Variants in CELSR3 observed in about 807,000 individuals in gnomAD.
The protein encoded by CELSR3 is EGF-like protein 1.
In CELSR3, 73 loss-of-function variants were observed where a neutral mutation model predicts 270.0. The observed-to-expected ratio is 0.27, with a 90% CI of 0.22 to 0.33. CELSR3 has a LOEUF of 0.33. Ranked by LOEUF, CELSR3 falls within the 10% of genes least tolerant of loss-of-function variation. CELSR3 has a pLI of 1.00. For missense variants in CELSR3, 3,614 were observed against 4,533.8 expected, an observed-to-expected ratio of 0.80 and a Z score of 5.83; for synonymous variants, 1,780 against 1,905.4, an observed-to-expected ratio of 0.93 and a Z score of 1.71.
In CELSR3 at chr3:48,650,433, A is replaced by AGGGGGGGGGGGGGGGGG; in HGVS notation, c.6472+46_6472+47insCCCCCCCCCCCCCCCCC. On this transcript the variant is annotated intron_variant, in intron 16 of 34. Coordinates refer to ENST00000164024, the MANE Select transcript of CELSR3 (RefSeq NM_001407.3). The surrounding 1 kb of genome is among the most constrained non-coding windows in gnomAD (Gnocchi z 5.1). Reference sequence around the variant, plus strand: ...GACATGGCTCTAGCAGTCAGAGTACAGGCCCACCCCCACCCTCAGTGATGT... The same window carrying AGGGGGGGGGGGGGGGGG: ...GACATGGCTCTAGCAGTCAGAGTACAGGGGGGGGGGGGGGGGGGGCCCACCCCCACCCTCAGTGATGT... The AGGGGGGGGGGGGGGGGG allele has an allele frequency of 2.2e-6, 2 of 927,810 alleles. No homozygotes were observed. Among genetic ancestry groups the AGGGGGGGGGGGGGGGGG allele is most frequent in the Non-Finnish European group, 3.3e-6 (2 of 598,390 alleles). 57.5% of individuals were successfully genotyped at this position (927,810 alleles called of 1,614,324 possible). A position where few individuals can be genotyped will look rare whatever the true frequency, so the allele number is the denominator to read the frequency against.
In CELSR3 at chr3:48,639,539, G is replaced by T; in HGVS notation, c.9911+135C>A. The T allele has an allele frequency of 8.4e-7, 1 of 1,195,876 alleles. No homozygotes were observed. The highest frequency in any genetic ancestry group is 1.2e-6 in the Non-Finnish European group (1 of 855,786). The allele number at this position is 1,195,876 out of a possible 1,614,324, so 74.1% of individuals were successfully genotyped here. On this transcript the variant is annotated intron_variant, in intron 34 of 34. Coordinates refer to ENST00000164024, the MANE Select transcript of CELSR3 (RefSeq NM_001407.3). The surrounding 1 kb of genome is among the most constrained non-coding windows in gnomAD (Gnocchi z 4.1). ...TCCTGTCCCCAGCCTGTGGCCCTCT[G>T]GCTGTGCTGAGCCTGGGGTAGCCCA...
Position 48,655,111 on chromosome 3 carries a change from G to T in CELSR3, c.4921C>A (p.Leu1641Met). The change falls in exon 6 of 35, where the codon CTG (leucine) becomes ATG (methionine). Residue 1641 changes from leucine (L) to methionine (M), a missense_variant. This residue lies in a region of CELSR3 where 1,331 missense variants were observed against 1,933.7 expected (regional missense o/e 0.69). Transcript: ENST00000164024. This position sits in a 1 kb window ranked among gnomAD's most constrained non-coding sequence, Gnocchi z 5.8. ...SVDDCDVAVALQFGAEIGNYS... is the reference protein window; with the variant it reads ...SVDDCDVAVAMQFGAEIGNYS... ...TTGCCAATCTCAGCACCAAACTGCA[G>T]AGCCACGGCCACATCACAATCATCC... 1 of 1,613,926 alleles carries T rather than the reference G, an allele frequency of 6.2e-7. No individual in the cohort carries two copies. The highest frequency in any genetic ancestry group is 8.5e-7 in the Non-Finnish European group (1 of 1,179,944).
Position 48,640,018 on chromosome 3 carries a change from C to T in CELSR3, c.9567G>A (p.Arg3189=), listed in dbSNP as rs1411294071. The T allele has an allele frequency of 6.2e-7, 1 of 1,611,894 alleles. No homozygotes were observed. The highest frequency in any genetic ancestry group is 8.5e-7 in the Non-Finnish European group (1 of 1,179,842). ...AGCTCCTAGACAGAGAGTCCAGCGG[C>T]CGGGATGGCAAGAGGGGGTCCCTTG... ...QLSRDPLLPS[R]PLDSLSRSSN... is the part of the protein sequence containing the mutation. The change falls in exon 34 of 35, where the codon CGG becomes CGA. Residue 3189 remains arginine, a synonymous_variant. Transcript: ENST00000164024. This position sits in a 1 kb window ranked among gnomAD's most constrained non-coding sequence, Gnocchi z 7.5.
At position 48,642,945 on chromosome 3, in the gene CELSR3, C is replaced by G; in HGVS notation, c.8406+22G>C. Reference sequence around the variant, plus strand: ...GAAGCAGCCTAAAACTCTGGCTTCTCAGGGCCCCCATCCCGACTCACCAGC... The same window carrying G: ...GAAGCAGCCTAAAACTCTGGCTTCTGAGGGCCCCCATCCCGACTCACCAGC... On this transcript the variant is annotated intron_variant, in intron 29 of 34. Transcript: ENST00000164024. The surrounding 1 kb of genome is among the most constrained non-coding windows in gnomAD (Gnocchi z 6.1). 6.2e-7 allele frequency: 1 copy of G among 1,609,914 alleles called. No individual in the cohort carries two copies. The highest frequency in any genetic ancestry group is 8.5e-7 in the Non-Finnish European group (1 of 1,177,640).
Position 48,653,638 on chromosome 3 carries a change from T to C in CELSR3, c.5429A>G (p.His1810Arg). Residue 1810 changes from histidine to arginine, a missense_variant, in exon 9 of 35, where the codon CAC (histidine) becomes CGC (arginine). His to Arg is a conservative substitution (Grantham distance 29). Transcript: ENST00000164024. This position sits in a 1 kb window ranked among gnomAD's most constrained non-coding sequence, Gnocchi z 6.5. ...ACACACCTGGCAAAGGAGCGTGCTG[T>C]GTGGCCCAGCCTGCACTTGCATCAG... is the stretch of plus-strand genomic sequence containing the variant. ...GVLMQVQAGP[H>R]STLLCQLDRG... is the part of the protein sequence containing the mutation. The C allele has an allele frequency of 6.2e-7, 1 of 1,614,034 alleles. No homozygotes were observed. Among genetic ancestry groups the C allele is most frequent in the Non-Finnish European group, 8.5e-7 (1 of 1,179,988 alleles).
Position 48,661,381 on chromosome 3 carries a change from C to T in CELSR3, c.1254G>A (p.Met418Ile). 6.2e-7 allele frequency: 1 copy of T among 1,612,514 alleles called. No individual in the cohort carries two copies. Among genetic ancestry groups the T allele is most frequent in the Non-Finnish European group, 8.5e-7 (1 of 1,179,746 alleles). Residue 418 changes from methionine (M) to isoleucine (I), a missense_variant, in exon 1 of 35, where the codon ATG becomes ATA. Physicochemically the swap from Met to Ile is conservative, Grantham distance 10. Coordinates refer to ENST00000164024, the MANE Select transcript of CELSR3 (RefSeq NM_001407.3). ...HGSPRLSATT[M>I]VAVTVADRND... is the part of the protein sequence containing the mutation. ...TGCGGTCGGCTACTGTCACGGCCACCATCGTGGTGGCCGAGAGGCGCGGCG... is the reference window on the plus strand; with the variant it reads ...TGCGGTCGGCTACTGTCACGGCCACTATCGTGGTGGCCGAGAGGCGCGGCG...
rs747576733 is a variant in CELSR3 at position 48,641,923 on chromosome 3, G to A, written c.8752C>T (p.Arg2918Trp). 5.0e-6 allele frequency: 8 copies of A among 1,600,522 alleles called. No homozygotes were observed. The highest frequency in any genetic ancestry group is 2.3e-5 in the East Asian group (1 of 44,000). ...IPSSESEDNG[R>W]TRGRFQRPLC... ...GGCCGTTGGAAGCGCCCCCGCGTCCGGCCATTGTCCTCGCTTTCTGAAGAT... is the reference window on the plus strand; with the variant it reads ...GGCCGTTGGAAGCGCCCCCGCGTCCAGCCATTGTCCTCGCTTTCTGAAGAT... Residue 2918 changes from arginine to tryptophan, a missense_variant, in exon 32 of 35, where the codon CGG becomes TGG. Physicochemically the swap from Arg to Trp is moderately radical, Grantham distance 101 (BLOSUM62 -3). Transcript: ENST00000164024. This position sits in a 1 kb window ranked among gnomAD's most constrained non-coding sequence, Gnocchi z 4.8.
Position 48,644,091 on chromosome 3 carries a change from G to T in CELSR3, c.8165+125C>A. The T allele has an allele frequency of 1.3e-6, 1 of 752,640 alleles. No individual in the cohort carries two copies. The highest frequency in any genetic ancestry group is 2.2e-6 in the Non-Finnish European group (1 of 446,418). The allele number at this position is 752,640 out of a possible 1,614,324, so 46.6% of individuals were successfully genotyped here. On this transcript the variant is annotated intron_variant, in intron 27 of 34. Transcript: ENST00000164024. This position sits in a 1 kb window ranked among gnomAD's most constrained non-coding sequence, Gnocchi z 4.8. ...AGGGACCACAGGTCAGGGCAGGTGTGACTTCATTCCTTCATCTAGAACTTG... is the reference window on the plus strand; with the variant it reads ...AGGGACCACAGGTCAGGGCAGGTGTTACTTCATTCCTTCATCTAGAACTTG...
At position 48,648,865 on chromosome 3, in the gene CELSR3, G is replaced by T. The variant is rs199827898; in HGVS notation, c.6631C>A (p.Arg2211=). The T allele has an allele frequency of 1.2e-6, 2 of 1,612,782 alleles. No individual in the cohort carries two copies. Among genetic ancestry groups the T allele is most frequent in the African/African-American group, 1.3e-5 (1 of 74,934 alleles). Reference sequence around the variant, plus strand: ...GTGTGGCCAGTCACCTCCCGTAGCCGCTGAGCCAGCTTCTTGGCCTCCATG... The same window carrying T: ...GTGTGGCCAGTCACCTCCCGTAGCCTCTGAGCCAGCTTCTTGGCCTCCATG... ...DTMEAKKLAQ[R]LREVTGHTDH... Residue 2211 remains arginine, a synonymous_variant, in exon 18 of 35, where the codon CGG becomes AGG. Transcript: ENST00000164024.
chr3:48,662,606 C>T lies in CELSR3; in HGVS notation c.29G>A (p.Gly10Asp). Residue 10 changes from glycine (G) to aspartate (D), a missense_variant, in exon 1 of 35, where the codon GGC becomes GAC. Gly to Asp is a moderately conservative substitution (Grantham distance 94). Around this residue, in one of 7 missense-constraint regions of CELSR3, gnomAD observed 470 missense variants for 469.7 expected, o/e 1.00. Transcript: ENST00000164024. This position sits in a 1 kb window ranked among gnomAD's most constrained non-coding sequence, Gnocchi z 7.1. MMARRPPWR[G>D]LGGRSTPILL... is the part of the protein sequence containing the mutation. The stretch of plus-strand genomic sequence containing the variant: ...TATGGGGGTCGACCGTCCCCCGAGG[C>T]CCCGCCACGGCGGCCGCCTCGCCAT... 2.1e-6 allele frequency: 3 copies of T among 1,458,296 alleles called. No homozygotes were observed. The highest frequency in any genetic ancestry group is 2.7e-6 in the Non-Finnish European group (3 of 1,096,840). 90.3% of individuals were successfully genotyped at this position (1,458,296 alleles called of 1,614,324 possible).
rs2106720071 is a variant in CELSR3 at position 48,658,158 on chromosome 3, G to A, written c.3748+729C>T. Reference sequence around the variant, plus strand: ...ATAAGGATAGACTGTTGAGTGAGTTGAGGGATAAATGAAGGTTGTGCCTTC... The same window carrying A: ...ATAAGGATAGACTGTTGAGTGAGTTAAGGGATAAATGAAGGTTGTGCCTTC... On this transcript the variant is annotated intron_variant, in intron 1 of 34. Coordinates refer to ENST00000164024, the MANE Select transcript of CELSR3 (RefSeq NM_001407.3). The surrounding 1 kb of genome is among the most constrained non-coding windows in gnomAD (Gnocchi z 4.7). Among the ~76,000 whole-genome samples the A allele has an allele frequency of 6.6e-6, 1 of 152,354 alleles. No homozygotes were observed. The highest frequency in any genetic ancestry group is 3.4e-3 in the Middle Eastern group (1 of 294).
In CELSR3 at chr3:48,659,245, T is replaced by C. The variant is rs1271970368; in HGVS notation, c.3390A>G (p.Leu1130=). 5.0e-6 allele frequency: 8 copies of C among 1,614,170 alleles called. No individual in the cohort carries two copies. Among genetic ancestry groups the C allele is most frequent in the Non-Finnish European group, 5.1e-6 (6 of 1,180,034 alleles). ...FSGELTALID[L]DYEARQEYVI... is the part of the protein sequence containing the mutation. ...CATATTCTTGGCGAGCCTCATAGTCTAGGTCAATGAGTGCCGTCAGTTCTC... is the reference window on the plus strand; with the variant it reads ...CATATTCTTGGCGAGCCTCATAGTCCAGGTCAATGAGTGCCGTCAGTTCTC... Residue 1130 remains leucine, a synonymous_variant, in exon 1 of 35, where the codon CTA becomes CTG. Coordinates refer to ENST00000164024, the MANE Select transcript of CELSR3 (RefSeq NM_001407.3). The surrounding 1 kb of genome is among the most constrained non-coding windows in gnomAD (Gnocchi z 8.1).
chr3:48,644,119 G>A lies in CELSR3; in HGVS notation c.8165+97C>T. On this transcript the variant is annotated intron_variant, in intron 27 of 34. Transcript: ENST00000164024. This position sits in a 1 kb window ranked among gnomAD's most constrained non-coding sequence, Gnocchi z 4.8. ...TTCATTCCTTCATCTAGAACTTGGA[G>A]CCCAACCTGCACCAGGGAAGATCTG... is the stretch of plus-strand genomic sequence containing the variant. 2 of 1,006,634 alleles carry A rather than the reference G, an allele frequency of 2.0e-6. No individual in the cohort carries two copies. The highest frequency in any genetic ancestry group is 2.4e-5 in the East Asian group (1 of 41,056). 62.4% of individuals were successfully genotyped at this position (1,006,634 alleles called of 1,614,324 possible).
Position 48,654,483 on chromosome 3 carries a change from G to A in CELSR3, c.4989-31C>T. On this transcript the variant is annotated intron_variant, in intron 6 of 34. Transcript: ENST00000164024. This position sits in a 1 kb window ranked among gnomAD's most constrained non-coding sequence, Gnocchi z 5.4. ...GATCAGGGGTCTGGGTCATTGGTGGGACTGGGGCCAGAGTAGAGTTGCTCC... is the reference window on the plus strand; with the variant it reads ...GATCAGGGGTCTGGGTCATTGGTGGAACTGGGGCCAGAGTAGAGTTGCTCC... The A allele has an allele frequency of 1.3e-6, 2 of 1,542,796 alleles. No homozygotes were observed. Among genetic ancestry groups the A allele is most frequent in the African/African-American group, 2.7e-5 (2 of 72,792 alleles).
Position 48,642,025 on chromosome 3 carries a change from T to C in CELSR3, c.8666-16A>G. On this transcript the variant is annotated splice_polypyrimidine_tract_variant and intron_variant, in intron 31 of 34. Transcript: ENST00000164024. The surrounding 1 kb of genome is among the most constrained non-coding windows in gnomAD (Gnocchi z 6.1). ...GAGTCTGCGCCTGGAGTTGGGAAAGTCAGAAGTACTTTCAGAGGTAAGGGA... is the reference window on the plus strand; with the variant it reads ...GAGTCTGCGCCTGGAGTTGGGAAAGCCAGAAGTACTTTCAGAGGTAAGGGA... 5 of 1,516,786 alleles carry C rather than the reference T, an allele frequency of 3.3e-6. No homozygotes were observed. Among genetic ancestry groups the C allele is most frequent in the Non-Finnish European group, 4.4e-6 (5 of 1,133,536 alleles). The allele number at this position is 1,516,786 out of a possible 1,614,324, so 94.0% of individuals were successfully genotyped here. A position where few individuals can be genotyped will look rare whatever the true frequency, so the allele number is the denominator to read the frequency against.
Position 48,644,147 on chromosome 3 carries a change from G to T in CELSR3, c.8165+69C>A. The T allele has an allele frequency of 7.0e-7, 1 of 1,420,440 alleles. No homozygotes were observed. Among genetic ancestry groups the T allele is most frequent in the Non-Finnish European group, 9.8e-7 (1 of 1,021,818 alleles). The allele number at this position is 1,420,440 out of a possible 1,614,324, so 88.0% of individuals were successfully genotyped here. On this transcript the variant is annotated intron_variant, in intron 27 of 34. Coordinates refer to ENST00000164024, the MANE Select transcript of CELSR3 (RefSeq NM_001407.3). This position sits in a 1 kb window ranked among gnomAD's most constrained non-coding sequence, Gnocchi z 4.8. The stretch of plus-strand genomic sequence containing the variant: ...CAACCTGCACCAGGGAAGATCTGGG[G>T]GCCCCAGACCCCACCCAGGAGGGAC...
chr3:48,642,272 C>T lies in CELSR3; in HGVS notation c.8665+86G>A, dbSNP rs1403662639. Reference sequence around the variant, plus strand: ...GGGGAGATCGTCCCACCCCAGTCAGCCACTGCTCCCAGTATGGGGTAGAAG... The same window carrying T: ...GGGGAGATCGTCCCACCCCAGTCAGTCACTGCTCCCAGTATGGGGTAGAAG... On this transcript the variant is annotated intron_variant, in intron 31 of 34. Coordinates refer to ENST00000164024, the MANE Select transcript of CELSR3 (RefSeq NM_001407.3). This position sits in a 1 kb window ranked among gnomAD's most constrained non-coding sequence, Gnocchi z 6.1. The T allele has an allele frequency of 9.3e-6, 13 of 1,399,322 alleles. No homozygotes were observed. Among genetic ancestry groups the T allele is most frequent in the Non-Finnish European group, 1.1e-5 (11 of 1,030,118 alleles). The allele number at this position is 1,399,322 out of a possible 1,614,324, so 86.7% of individuals were successfully genotyped here.
At position 48,640,642 on chromosome 3, in the gene CELSR3, G is replaced by T; in HGVS notation, c.9026-83C>A. ...AATTGCTGAGTCTAGGGGTGTGGCA[G>T]CCCTTGGGATCCTTCCAACACAGGG... On this transcript the variant is annotated intron_variant, in intron 33 of 34. Coordinates refer to ENST00000164024, the MANE Select transcript of CELSR3 (RefSeq NM_001407.3). This position sits in a 1 kb window ranked among gnomAD's most constrained non-coding sequence, Gnocchi z 7.5. 1 of 1,389,134 alleles carries T rather than the reference G, an allele frequency of 7.2e-7. No individual in the cohort carries two copies. Among genetic ancestry groups the T allele is most frequent in the Non-Finnish European group, 9.6e-7 (1 of 1,042,164 alleles). The allele number at this position is 1,389,134 out of a possible 1,614,324, so 86.1% of individuals were successfully genotyped here.
rs1355117830 is a variant in CELSR3 at position 48,644,850 on chromosome 3, A to G, written c.7973-22T>C. On this transcript the variant is annotated intron_variant, in intron 25 of 34. Coordinates refer to ENST00000164024, the MANE Select transcript of CELSR3 (RefSeq NM_001407.3). This position sits in a 1 kb window ranked among gnomAD's most constrained non-coding sequence, Gnocchi z 4.8. Reference sequence around the variant, plus strand: ...AGGCCTTGGGAAGAGAAAGGGTAGGACTGAGGGTGTGTGTTCCAGAGCTGC... The same window carrying G: ...AGGCCTTGGGAAGAGAAAGGGTAGGGCTGAGGGTGTGTGTTCCAGAGCTGC... 2.5e-6 allele frequency: 4 copies of G among 1,602,616 alleles called. No individual in the cohort carries two copies. The highest frequency in any genetic ancestry group is 3.4e-6 in the Non-Finnish European group (4 of 1,171,410).
Sources: gnomAD v4.1 joint callset for allele counts (sites outside exome capture counted in the v4.1 genomes callset) on GRCh38, gnomAD v4.1.1 for gene constraint, gnomAD v4.1.1 regional missense constraint, Gnocchi (gnomAD v3.1) non-coding constraint, MANE v1.5 for transcripts, NCBI Gene and HGNC (gene_info 2026-07-23, HGNC 2026-07-21) for gene names.